FREY1: variants seen among roughly 807,000 people sequenced by gnomAD.
The protein encoded by FREY1 is protein Frey 1.
At chr11:45,907,141 T>G in the FREY1 span, 1 of 1,556,196 alleles carries the variant, frequency 6.4e-7, no homozygotes, top group Non-Finnish European at 8.7e-7. Flanking sequence ...GCCCCAGGAG[T>G]CACCTCAGAG....
the FREY1 span, chr11:45,906,955 T>C: frequency 2.5e-6 from 4 of 1,613,500 alleles, no homozygotes; most frequent in Admixed American, 3.3e-5. Flanking sequence ...GTGGGAGATG[T>C]CGGGGTGCTC....
At chr11:45,906,742 A>G in the FREY1 span, 37 of 1,581,262 alleles carry the variant, frequency 2.3e-5, no homozygotes, top group Admixed American at 3.5e-4. Flanking sequence ...GCTCTGATGG[A>G]ACTGAAGTCA....
At chr11:45,906,935 G>A in the FREY1 span, 79 of 1,613,654 alleles carry the variant, frequency 4.9e-5, no homozygotes, top group South Asian at 1.3e-4. Flanking sequence ...GGAACAGACC[G>A]CTGAGACCTG....
the FREY1 span, chr11:45,906,979 A>G: frequency 9.9e-6 from 16 of 1,610,022 alleles, no homozygotes; most frequent in South Asian, 1.6e-4. Flanking sequence ...CCTGGCCCAG[A>G]AGGCCACCGC....
chr11:45,906,935 G>T, the FREY1 span: 1 of 1,613,772 alleles, frequency 6.2e-7, no homozygotes, highest in Non-Finnish European at 8.5e-7. Context: ...GGAACAGACC[G>T]CTGAGACCTG....
the FREY1 span, chr11:45,907,011 A>T: frequency 6.3e-7 from 1 of 1,580,454 alleles, no homozygotes; most frequent in Non-Finnish European, 8.7e-7. Flanking sequence ...GAATGGGGGG[A>T]TGGCTCAGTG....
the FREY1 span, chr11:45,907,186 G>A: frequency 1.9e-6 from 3 of 1,557,522 alleles, no homozygotes; most frequent in Non-Finnish European, 2.6e-6. Flanking sequence ...CCAGGATGAG[G>A]TGGAGGAAGA....
At chr11:45,907,129 G>C in the FREY1 span, 3 of 1,554,644 alleles carry the variant, frequency 1.9e-6, no homozygotes, top group African/African-American at 1.4e-5. Flanking sequence ...CCTGCCCTCT[G>C]TGCCCCAGGA....
chr11:45,906,987 C>A, the FREY1 span: 45 of 1,605,136 alleles, frequency 2.8e-5, no homozygotes, highest in East Asian at 9.8e-4. Context: ...AGAAGGCCAC[C>A]GCCACCTCCT....
the FREY1 span, chr11:45,906,664 T>C: frequency 1.3e-6 from 2 of 1,589,600 alleles, no homozygotes; most frequent in Non-Finnish European, 1.7e-6. Flanking sequence ...CCTCGCGGCC[T>C]TGGGTGCTTG....
At chr11:45,906,832 A>G in the FREY1 span, 1 of 1,612,546 alleles carries the variant, frequency 6.2e-7, no homozygotes, top group Non-Finnish European at 8.5e-7. Flanking sequence ...CTCCACTGTC[A>G]GGGATGGGTA....
At chr11:45,906,691 C>A in the FREY1 span, 1 of 1,583,752 alleles carries the variant, frequency 6.3e-7, no homozygotes, top group Non-Finnish European at 8.6e-7. Flanking sequence ...ATGCCATAGT[C>A]TAAAGAGAGA....
chr11:45,907,086 A>G, the FREY1 span: 2 of 1,511,700 alleles, frequency 1.3e-6, no homozygotes, highest in Admixed American at 1.9e-5. Flanking sequence ...CAGAGAGGGG[A>G]GGGGCAGCAC....
At chr11:45,906,712 T>C in the FREY1 span, 57 of 1,575,314 alleles carry the variant, frequency 3.6e-5, 1 homozygote, top group Middle Eastern at 1.7e-4. Context: ...AAAGAGGGCA[T>C]GGGTGGTAGG....
the FREY1 span, chr11:45,906,995 CCTT>C: frequency 7.5e-6 from 12 of 1,599,446 alleles, no homozygotes; most frequent in East Asian, 2.2e-5. Flanking sequence ...ACCGCCACCT[CCTT>C]GTGAATGGGG....
chr11:45,906,659 C>G, the FREY1 span: 1 of 1,591,198 alleles, frequency 6.3e-7, no homozygotes, highest in Non-Finnish European at 8.6e-7. Flanking sequence ...GAGGCCCTCG[C>G]GGCCTTGGGT....
At chr11:45,906,630 G>C in the FREY1 span, 1 of 1,596,674 alleles carries the variant, frequency 6.3e-7, no homozygotes, top group Non-Finnish European at 8.5e-7. Context: ...GCGCTGCTGG[G>C]CCCTAGACAG....
At chr11:45,907,158 A>G in the FREY1 span, 4 of 1,556,862 alleles carry the variant, frequency 2.6e-6, no homozygotes, top group Non-Finnish European at 2.6e-6. Context: ...AGAGGCTGGG[A>G]GCGAAGCAGT....
At chr11:45,906,708 G>C in the FREY1 span, 1 of 1,577,000 alleles carries the variant, frequency 6.3e-7, no homozygotes, top group East Asian at 2.3e-5. Flanking sequence ...GAGAAAAGAG[G>C]GCATGGGTGG....
Sources: allele counts gnomAD v4.1 joint callset, GRCh38; gene constraint gnomAD v4.1.1; transcripts MANE v1.5; gene names NCBI Gene and HGNC (gene_info 2026-07-23, HGNC 2026-07-21).